UBE4B: variants seen among roughly 807,000 people sequenced by gnomAD.
UBE4B encodes ubiquitination factor E4B, also known as ubiquitin conjugation factor E4 B.
UBE4B carries 27 observed loss-of-function variants against 148.1 expected under a neutral mutation model. That is an observed-to-expected ratio of 0.18 (90% CI 0.13 to 0.25). The LOEUF (loss-of-function observed/expected upper bound fraction) is 0.25, where lower values mean the gene tolerates loss of function less well. Among genes scored for constraint, UBE4B ranks in the 10% least tolerant of loss-of-function variants. The pLI, the probability that UBE4B is intolerant of heterozygous loss-of-function variation, is 1.00. For synonymous variants in UBE4B, 596 were observed against 619.3 expected (o/e 0.96, Z 0.56); for missense variants, 1,170 against 1,662.4 (o/e 0.70, Z 5.15).
At chr1:10,033,728 T>G in intron 1 of UBE4B, 34 bp downstream of exon 1, 1 of 1,539,396 alleles carries the variant, frequency 6.5e-7, no homozygotes, top group Non-Finnish European at 8.7e-7. Flanking sequence ...GAGGGATTAG[T>G]TGGCAACTCG....
chr1:10,126,732 C>T (rs943041473), intron 10 of UBE4B, 62 bp from the exon 11 acceptor site: 91 of 1,399,268 alleles, frequency 6.5e-5, no homozygotes, highest in African/African-American at 1.3e-4. Context: ...CCTTATTTGA[C>T]ATACTTCCCA....
At chr1:10,093,869 A>G (rs1644888071) in intron 2 of UBE4B, among the ~76,000 whole-genome samples, 1 of 151,622 alleles carries the variant, frequency 6.6e-6, no homozygotes, top group Non-Finnish European at 1.5e-5. Context: ...TAATTTTTGT[A>G]TTTTAACTAG....
At chr1:10,081,591 A>AT (rs1299547566) in intron 2 of UBE4B, among the ~76,000 whole-genome samples, 215 of 148,402 alleles carry the variant, frequency 1.4e-3, no homozygotes, top group African/African-American at 4.9e-3. Flanking sequence ...TGCCTGGCTA[A>AT]TTTTTTTTTT....
At chr1:10,078,951 A>C (rs982276159) in intron 2 of UBE4B, among the ~76,000 whole-genome samples, 5 of 151,996 alleles carry the variant, frequency 3.3e-5, no homozygotes, top group Admixed American at 1.3e-4. Context: ...GAAGTAGCTG[A>C]GACTACAGGT....
intron 1 of UBE4B, among the ~76,000 whole-genome samples, chr1:10,069,127 T>C (rs1644441945): frequency 6.6e-6 from 1 of 152,222 alleles, no homozygotes; most frequent in Admixed American, 6.5e-5. Flanking sequence ...TATTCTCTGT[T>C]TATATCACTG....
At chr1:10,178,464 T>G (rs1442353465) in intron 25 of UBE4B, among the ~76,000 whole-genome samples, 180 bp from the exon 26 acceptor site, 1 of 152,182 alleles carries the variant, frequency 6.6e-6, no homozygotes, top group Non-Finnish European at 1.5e-5. Flanking sequence ...AAGTGCATAC[T>G]TTTATGAGGC....
intron 1 of UBE4B, among the ~76,000 whole-genome samples, chr1:10,045,533 G>A (rs1252524580): frequency 2.0e-5 from 3 of 152,282 alleles, no homozygotes; most frequent in Non-Finnish European, 4.4e-5. Flanking sequence ...TAATGGTACA[G>A]TCTACAGTCT....
At chr1:10,065,913 C>T (rs544955224) in intron 1 of UBE4B, among the ~76,000 whole-genome samples, 10 of 152,102 alleles carry the variant, frequency 6.6e-5, no homozygotes, top group Middle Eastern at 3.4e-3. Context: ...CTTTTGCAAC[C>T]GGCTTTTTCA....
chr1:10,075,220 A>T (rs946155859), intron 2 of UBE4B, among the ~76,000 whole-genome samples: 1 of 152,264 alleles, frequency 6.6e-6, no homozygotes, highest in East Asian at 1.9e-4. Context: ...GTGTTCCAGT[A>T]AAACTTCACT....
At chr1:10,139,113 G>A (rs1291774278) in intron 17 of UBE4B, among the ~76,000 whole-genome samples, 2 of 152,138 alleles carry the variant, frequency 1.3e-5, no homozygotes, top group East Asian at 3.9e-4. Flanking sequence ...AAGAAACTGG[G>A]GGCTGGGCAC....
intron 2 of UBE4B, among the ~76,000 whole-genome samples, chr1:10,083,067 G>T (rs1644711128): frequency 6.6e-6 from 1 of 152,014 alleles, no homozygotes; most frequent in African/African-American, 2.4e-5. Context: ...ATGGGCATTT[G>T]GGTTGGTTCC....
chr1:10,108,301 T>C (rs1377339666), intron 7 of UBE4B, among the ~76,000 whole-genome samples: 1 of 152,012 alleles, frequency 6.6e-6, no homozygotes, highest in African/African-American at 2.4e-5. Flanking sequence ...TGCTTTCATG[T>C]CTAGCCTTAA....
At chr1:10,100,975 A>T (rs1645001320) in intron 3 of UBE4B, 133 bp from the exon 4 acceptor site, 2 of 715,696 alleles carry the variant, frequency 2.8e-6, no homozygotes, top group African/African-American at 3.6e-5. Context: ...AATTAATAAG[A>T]AAAAAGATGG....
At chr1:10,055,297 TCTTTC>T (rs963209408) in intron 1 of UBE4B, among the ~76,000 whole-genome samples, 38 of 151,966 alleles carry the variant, frequency 2.5e-4, no homozygotes, top group Non-Finnish European at 4.4e-5. Flanking sequence ...TCTTTTCTTT[TCTTTC>T]CTTCTTTTTC....
intron 2 of UBE4B, among the ~76,000 whole-genome samples, chr1:10,090,793 TTGTGTG>T (rs57486350): frequency 0.016 from 2,269 of 141,490 alleles, 56 homozygotes; most frequent in African/African-American, 0.054. Context: ...GCCTATGCAT[TTGTGTG>T]TGTGTGTGTG....
chr1:10,156,138 T>G (rs907594032), intron 21 of UBE4B, among the ~76,000 whole-genome samples: 1 of 151,422 alleles, frequency 6.6e-6, no homozygotes, highest in Admixed American at 6.6e-5. Flanking sequence ...ACCTGGGAAT[T>G]AGAACTTGGG....
At chr1:10,129,577 C>A in intron 12 of UBE4B, 129 bp downstream of exon 12, 5 of 778,172 alleles carry the variant, frequency 6.4e-6, no homozygotes, top group Non-Finnish European at 8.5e-6. Flanking sequence ...GGTAACGTGT[C>A]TGGGAGGCTC....
chr1:10,175,630 G>A (rs112515234), intron 25 of UBE4B, among the ~76,000 whole-genome samples: 69 of 151,996 alleles, frequency 4.5e-4, no homozygotes, highest in South Asian at 1.7e-3. Context: ...CAGCCTGGGC[G>A]ACAGAGCGAG....
intron 1 of UBE4B, among the ~76,000 whole-genome samples, chr1:10,038,019 G>A (rs940164333): frequency 1.3e-5 from 2 of 152,076 alleles, no homozygotes; most frequent in Admixed American, 6.6e-5. Context: ...AGTGGCCCAC[G>A]CCTGTAATCC....
Sources: allele counts gnomAD v4.1 joint callset (sites outside exome capture counted in the v4.1 genomes callset), GRCh38; gene constraint gnomAD v4.1.1; transcripts MANE v1.5; gene names NCBI Gene and HGNC (gene_info 2026-07-23, HGNC 2026-07-21).